The following ZDHHC11 variants were observed in gnomAD, a reference collection of about 807,000 sequenced individuals.
ZDHHC11 encodes palmitoyltransferase ZDHHC11.
In ZDHHC11, 44 loss-of-function variants were observed where a neutral mutation model predicts 51.3. The observed-to-expected ratio is 0.86, with a 90% CI of 0.67 to 1.10. The LOEUF (loss-of-function observed/expected upper bound fraction) is 1.10, where lower values mean the gene tolerates loss of function less well. Ranked by LOEUF, ZDHHC11 falls within the 50% of genes least tolerant of loss-of-function variation. The probability of loss-of-function intolerance (pLI) is 0.00; values close to 1 mark genes in which losing one functional copy is unlikely to be tolerated. For synonymous variants in ZDHHC11, 163 were observed against 222.0 expected (o/e 0.73, Z 2.36); for missense variants, 400 against 537.7 (o/e 0.74, Z 2.53).
chr5:816,917 C>A, intron 10 of ZDHHC11: 1 of 408,924 alleles, frequency 2.4e-6, no homozygotes, highest in South Asian at 2.3e-5. Context: ...TTTTTCTGAC[C>A]CCAGTGGGAG....
Position 796,468 on chromosome 5 carries a change from C to T in ZDHHC11, c.*120G>A, listed in dbSNP as rs1317170290. On this transcript the variant is annotated 3_prime_UTR_variant, in exon 13 of 13. Transcript: ENST00000283441. ...TGAGATGATGGGCTCTGGTTCCTGG[C>T]CTGTAGCATGGGTAGGAGCAGGAGG... The T allele has an allele frequency of 6.7e-6, 1 of 148,498 alleles. No individual in the cohort carries two copies. The highest frequency in any genetic ancestry group is 1.5e-5 in the Non-Finnish European group (1 of 66,878). The allele number at this position is 148,498 out of a possible 1,614,324, so 9.2% of individuals were successfully genotyped here. A position where few individuals can be genotyped will look rare whatever the true frequency, so the allele number is the denominator to read the frequency against.
chr5:831,376 G>C (rs1040782492), intron 7 of ZDHHC11, among the ~76,000 whole-genome samples: 5 of 149,530 alleles, frequency 3.3e-5, no homozygotes, highest in African/African-American at 1.2e-4. Context: ...TTGAAGTCAA[G>C]AGTTCAAGAC....
intron 3 of ZDHHC11, among the ~76,000 whole-genome samples, chr5:844,480 G>A (rs554327703): frequency 2.4e-4 from 36 of 152,386 alleles, no homozygotes; most frequent in East Asian, 1.9e-3. Context: ...CGCACCTCCC[G>A]ACTCCACCTG....
chr5:804,678 C>T lies in ZDHHC11; in HGVS notation c.1182-3514G>A, dbSNP rs374632170. Among the ~76,000 whole-genome samples, 12 of 151,112 alleles carry T rather than the reference C, an allele frequency of 7.9e-5. 1 individual carries two copies. The highest frequency in any genetic ancestry group is 2.7e-4 in the African/African-American group (11 of 41,152). On this transcript the variant is annotated intron_variant, in intron 11 of 12. Transcript: ENST00000283441. ...GATTTCTCATTAGAAACTAAGGAGGCTCAAAGGCAGTGGGGTGACATAGTT... is the reference window on the plus strand; with the variant it reads ...GATTTCTCATTAGAAACTAAGGAGGTTCAAAGGCAGTGGGGTGACATAGTT...
chr5:838,008 C>T (rs1469864319), intron 5 of ZDHHC11, among the ~76,000 whole-genome samples: 1 of 151,928 alleles, frequency 6.6e-6, no homozygotes, highest in African/African-American at 2.4e-5. Context: ...GGGGCGGCCA[C>T]CCCGAGGTGC....
upstream of ZDHHC11, among the ~76,000 whole-genome samples, chr5:855,634 CT>C (rs1748105319): frequency 7.0e-6 from 1 of 142,058 alleles, no homozygotes. Context: ...GGACAGTGAG[CT>C]GGGGGGCACA....
Position 804,371 on chromosome 5 carries a change from T to C in ZDHHC11, c.1182-3207A>G, listed in dbSNP as rs553545675. ...GTTTGGTACTATCTACAGTTTCAGA[T>C]ACTTACTGAGAGTCTTGGAACGTAT... On this transcript the variant is annotated intron_variant, in intron 11 of 12. Transcript: ENST00000283441. Among the ~76,000 whole-genome samples the C allele has an allele frequency of 1.2e-3, 180 of 151,352 alleles. 8 individuals are homozygous for C. Among genetic ancestry groups the C allele is most frequent in the Non-Finnish European group, 2.1e-3 (142 of 67,674 alleles).
chr5:834,918 C>T (rs1460279646), intron 6 of ZDHHC11, among the ~76,000 whole-genome samples: 3 of 151,830 alleles, frequency 2.0e-5, no homozygotes, highest in Non-Finnish European at 4.4e-5. Flanking sequence ...GACATGTTTA[C>T]TTTATTGTGG....
upstream of ZDHHC11, among the ~76,000 whole-genome samples, chr5:858,974 G>A (rs1246630478): frequency 6.6e-6 from 1 of 152,104 alleles, no homozygotes; most frequent in Non-Finnish European, 1.5e-5. Context: ...AGACCAAAGT[G>A]AGAAGTGGGT....
intron 11 of ZDHHC11, among the ~76,000 whole-genome samples, chr5:805,607 T>A (rs557287250): frequency 9.9e-5 from 15 of 150,996 alleles, no homozygotes; most frequent in East Asian, 7.7e-4. Flanking sequence ...TGGGCAGGAA[T>A]TGAGAAATAA....
intron 6 of ZDHHC11, among the ~76,000 whole-genome samples, chr5:837,047 ACT>A (rs1251849299): frequency 6.6e-6 from 1 of 151,262 alleles, no homozygotes; most frequent in African/African-American, 2.4e-5. Flanking sequence ...ACAGAGCGAG[ACT>A]CTGTCTCAAA....
intron 12 of ZDHHC11, among the ~76,000 whole-genome samples, chr5:797,236 A>C (rs1362414724): frequency 1.3e-5 from 2 of 151,276 alleles, no homozygotes; most frequent in Admixed American, 6.6e-5. Context: ...GTATATATAT[A>C]TATATTCTTT....
chr5:825,676 C>T (rs1579651809), intron 7 of ZDHHC11, among the ~76,000 whole-genome samples: 1 of 144,150 alleles, frequency 6.9e-6, no homozygotes, highest in Non-Finnish European at 1.5e-5. Context: ...CCAGAAAAAA[C>T]AAAAAGTCAC....
Position 813,116 on chromosome 5 carries a change from C to A in ZDHHC11, c.1181+1645G>T, listed in dbSNP as rs375084507. On this transcript the variant is annotated intron_variant, in intron 11 of 12. Coordinates refer to ENST00000283441, the MANE Select transcript of ZDHHC11 (RefSeq NM_024786.3). ...CTTTAGGAGGCTGAGGCAGGCAAAT[C>A]GCTTGAGCTCAGGAGTTCGAGACCA... 3.3e-3 allele frequency among the ~76,000 whole-genome samples: 474 copies of A among 144,958 alleles called. 16 individuals carry two copies. The highest frequency in any genetic ancestry group is 0.028 in the South Asian group (125 of 4,524).
chr5:811,749 C>T (rs76461916), intron 11 of ZDHHC11, among the ~76,000 whole-genome samples: 17,194 of 146,652 alleles, frequency 0.12, 509 homozygotes, highest in East Asian at 0.26. Flanking sequence ...TTCCTGGAAC[C>T]GAAACAAAAT....
intron 11 of ZDHHC11, among the ~76,000 whole-genome samples, chr5:807,390 C>T (rs1317046619): frequency 2.6e-5 from 4 of 151,236 alleles, no homozygotes; most frequent in African/African-American, 9.7e-5. Context: ...GAGCGGGGTG[C>T]AAGGACTTGG....
At chr5:848,887 TCACCTGGGCCTGCA>T (rs1319183566) in intron 1 of ZDHHC11, among the ~76,000 whole-genome samples, 1 of 142,646 alleles carries the variant, frequency 7.0e-6, no homozygotes, top group Admixed American at 7.0e-5. Flanking sequence ...CTGGGCGTGC[TCACCTGGGCCTGCA>T]CACCCAGCCC....
chr5:838,124 G>A lies in ZDHHC11; in HGVS notation c.785-644C>T, dbSNP rs997144749. Among the ~76,000 whole-genome samples the A allele has an allele frequency of 2.0e-5, 3 of 151,726 alleles. 1 individual carries two copies. In the South Asian group the frequency reaches 6.2e-4, roughly 31 times the overall value. On this transcript the variant is annotated intron_variant, in intron 5 of 12. Coordinates refer to ENST00000283441, the MANE Select transcript of ZDHHC11 (RefSeq NM_024786.3). ...TGCCACTCAGCACAGCCTCTGATGG[G>A]GCTGAGACAGGTCACCATCCCTGCA...
chr5:801,358 G>A (rs1025443026), intron 11 of ZDHHC11, among the ~76,000 whole-genome samples, 194 bp from the exon 12 acceptor site: 2 of 151,758 alleles, frequency 1.3e-5, no homozygotes, highest in African/African-American at 4.8e-5. Context: ...ACTGCTGAAA[G>A]AATGTTGCTT....
Sources: allele counts gnomAD v4.1 joint callset (sites outside exome capture counted in the v4.1 genomes callset), GRCh38; gene constraint gnomAD v4.1.1; transcripts MANE v1.5; gene names NCBI Gene and HGNC (gene_info 2026-07-23, HGNC 2026-07-21).